NAALADL2: variants seen among roughly 807,000 people sequenced by gnomAD.
The protein encoded by NAALADL2 is N-acetylated alpha-linked acidic dipeptidase like 2, also known as inactive N-acetylated-alpha-linked acidic dipeptidase-like protein 2.
Under a neutral mutation model 87.2 loss-of-function variants are expected in NAALADL2, and 76 were observed. The observed-to-expected ratio is 0.87, with a 90% CI of 0.72 to 1.05. The LOEUF (loss-of-function observed/expected upper bound fraction) is 1.05, where lower values mean the gene tolerates loss of function less well. NAALADL2 is among the 50% of genes least tolerant of loss of function. The pLI is 0.00. For synonymous variants in NAALADL2, 354 were observed against 331.0 expected, an observed-to-expected ratio of 1.07 and a Z score of -0.75; for missense variants, 1,089 against 945.8, an observed-to-expected ratio of 1.15 and a Z score of -1.99.
At chr3:175,153,823 T>C (rs538759894) in intron 2 of NAALADL2, among the ~76,000 whole-genome samples, 7 of 152,198 alleles carry the variant, frequency 4.6e-5, no homozygotes, top group African/African-American at 1.7e-4. Flanking sequence ...GCTTTTTCAC[T>C]AGAGTGAGTA....
At chr3:174,707,603 G>A (rs1337105800) in intron 2 of NAALADL2, among the ~76,000 whole-genome samples, 6 of 144,372 alleles carry the variant, frequency 4.2e-5, no homozygotes, top group African/African-American at 7.6e-5. Context: ...CAATGAGAAC[G>A]CCTGGACACA....
At chr3:175,071,192 A>C (rs145186547) in intron 1 of NAALADL2, among the ~76,000 whole-genome samples, 1 of 152,112 alleles carries the variant, frequency 6.6e-6, no homozygotes, top group South Asian at 2.1e-4. Context: ...TCAGTCAATA[A>C]ATAACACATG....
Position 175,485,994 on chromosome 3 carries a change from G to A in NAALADL2, c.1653+14236G>A, listed in dbSNP as rs142691116. On this transcript the variant is annotated intron_variant, in intron 9 of 13. Coordinates refer to ENST00000454872, the MANE Select transcript of NAALADL2 (RefSeq NM_207015.3). The stretch of plus-strand genomic sequence containing the variant: ...TGACAACAAAACTCTAACCATGTTG[G>A]CACCCTGATTTCAGAGTTCCAGCCT... Among the ~76,000 whole-genome samples, 221 of 152,218 alleles carry A rather than the reference G, an allele frequency of 1.5e-3. 1 individual carries two copies. The highest frequency in any genetic ancestry group is 4.8e-3 in the African/African-American group (198 of 41,566).
intron 9 of NAALADL2, among the ~76,000 whole-genome samples, chr3:175,500,447 G>T (rs1371771061): frequency 3.3e-5 from 5 of 151,760 alleles, no homozygotes; most frequent in East Asian, 1.9e-4. Context: ...GGAGCAGAGA[G>T]GTTTGTTTGC....
chr3:175,735,139 C>A (rs969378251), intron 11 of NAALADL2, among the ~76,000 whole-genome samples: 1 of 152,190 alleles, frequency 6.6e-6, no homozygotes, highest in Non-Finnish European at 1.5e-5. Context: ...TTCGACAAAT[C>A]TCTAGGATGG....
intron 5 of NAALADL2, among the ~76,000 whole-genome samples, chr3:175,327,214 G>C (rs972891386): frequency 6.9e-6 from 1 of 145,498 alleles, no homozygotes; most frequent in Non-Finnish European, 1.5e-5. Flanking sequence ...GGAGTGCAGC[G>C]GCACAATCTG....
chr3:175,463,336 T>A (rs1317375487), intron 6 of NAALADL2, 65 bp from the exon 7 acceptor site: 1 of 1,031,562 alleles, frequency 9.7e-7, no homozygotes, highest in Non-Finnish European at 1.4e-6. Context: ...TAAAATAAAT[T>A]TTAAGGTTTA....
rs115437419 is a variant in NAALADL2, at chr3:174,957,265, A to T, written c.43+97815A>T. ...TCCTCATTCTTTTTCTCACCTCCCT[A>T]CTGCAAGAAGGGGAGACAGCACAAT... On this transcript the variant is annotated intron_variant, in intron 1 of 13. Transcript: ENST00000454872. Among the ~76,000 whole-genome samples the T allele has an allele frequency of 6.5e-3, 981 of 152,000 alleles. 19 individuals are homozygous for T. The highest frequency in any genetic ancestry group is 0.023 in the African/African-American group (958 of 41,492).
At chr3:174,558,107 G>A (rs1713089662) in intron 2 of NAALADL2, among the ~76,000 whole-genome samples, 1 of 152,120 alleles carries the variant, frequency 6.6e-6, no homozygotes, top group Admixed American at 6.6e-5. Flanking sequence ...TAGGCACAGT[G>A]AGCCCACTCC....
chr3:174,655,704 T>G (rs1401385462), intron 2 of NAALADL2, among the ~76,000 whole-genome samples: 2 of 152,128 alleles, frequency 1.3e-5, no homozygotes, highest in Non-Finnish European at 2.9e-5. Flanking sequence ...AAATGAAAAA[T>G]GGAATAATTT....
At chr3:174,738,149 G>A (rs1733392517) in intron 3 of NAALADL2, among the ~76,000 whole-genome samples, 1 of 152,110 alleles carries the variant, frequency 6.6e-6, no homozygotes, top group South Asian at 2.1e-4. Context: ...ATACCACATG[G>A]CTTGCATAAC....
chr3:174,490,159 A>G (rs763531093), intron 1 of NAALADL2, among the ~76,000 whole-genome samples: 4 of 152,148 alleles, frequency 2.6e-5, no homozygotes, highest in African/African-American at 7.2e-5. Flanking sequence ...ACAATTGTCC[A>G]TCAACTGATG....
At chr3:174,995,362 T>TA (rs1315738637) in intron 1 of NAALADL2, among the ~76,000 whole-genome samples, 2 of 152,160 alleles carry the variant, frequency 1.3e-5, no homozygotes, top group Admixed American at 1.3e-4. Flanking sequence ...TTAATTAATT[T>TA]AAAAAATTTA....
intron 13 of NAALADL2, 62 bp downstream of exon 13, chr3:175,755,480 T>G: frequency 8.3e-7 from 1 of 1,205,844 alleles, no homozygotes; most frequent in African/African-American, 1.5e-5. Flanking sequence ...TGTTTAACTT[T>G]CAGAATACAT....
At position 175,583,189 on chromosome 3, in the gene NAALADL2, C is replaced by T. The variant is rs1720030812; in HGVS notation, c.1800+7002C>T. On this transcript the variant is annotated intron_variant, in intron 10 of 13. Transcript: ENST00000454872. Reference sequence around the variant, plus strand: ...TTATTATAAAATAGACTTTGTGATACATTATTGATCCCAGCATCAAGAGAG... The same window carrying T: ...TTATTATAAAATAGACTTTGTGATATATTATTGATCCCAGCATCAAGAGAG... 2.0e-5 allele frequency among the ~76,000 whole-genome samples: 3 copies of T among 152,192 alleles called. No individual in the cohort carries two copies. In the South Asian group the frequency reaches 6.2e-4, roughly 32 times the overall value.
chr3:174,978,957 C>T (rs571463005), intron 1 of NAALADL2, among the ~76,000 whole-genome samples: 9 of 152,188 alleles, frequency 5.9e-5, no homozygotes, highest in Admixed American at 5.9e-4. Context: ...GGAAATAATT[C>T]ACAAGGATGA....
intron 1 of NAALADL2, among the ~76,000 whole-genome samples, chr3:175,044,276 T>C (rs1412440616): frequency 6.6e-6 from 1 of 152,154 alleles, no homozygotes; most frequent in Non-Finnish European, 1.5e-5. Context: ...TTTTCCTATT[T>C]TTGGACTAGT....
chr3:175,755,171 G>T lies in NAALADL2; in HGVS notation c.1991-49G>T, dbSNP rs772716085. On this transcript the variant is annotated intron_variant, in intron 12 of 13. Coordinates refer to ENST00000454872, the MANE Select transcript of NAALADL2 (RefSeq NM_207015.3). Reference sequence around the variant, plus strand: ...TTCCTGATTGGAAAATGCTTATTTTGCTCCCTTGAGAATGTCTCTTCTGAG... The same window carrying T: ...TTCCTGATTGGAAAATGCTTATTTTTCTCCCTTGAGAATGTCTCTTCTGAG... The T allele has an allele frequency of 1.3e-5, 19 of 1,493,388 alleles. No individual in the cohort carries two copies. In the South Asian group the frequency reaches 1.5e-4, roughly 12 times the overall value. 92.5% of individuals were successfully genotyped at this position (1,493,388 alleles called of 1,614,324 possible).
At position 175,416,063 on chromosome 3, in the gene NAALADL2, A is replaced by G. The variant is rs564859885; in HGVS notation, c.1091-31166A>G. Reference sequence around the variant, plus strand: ...CGTGAGCCTGGGATTTCAAGGCTGCAGTAAATCATAATCATGCTGCTGCAC... The same window carrying G: ...CGTGAGCCTGGGATTTCAAGGCTGCGGTAAATCATAATCATGCTGCTGCAC... On this transcript the variant is annotated intron_variant, in intron 5 of 13. Transcript: ENST00000454872. Among the ~76,000 whole-genome samples, 10 of 152,128 alleles carry G rather than the reference A, an allele frequency of 6.6e-5. No homozygotes were observed. The East Asian group carries it at 1.9e-3, about 29-fold the overall frequency.
Sources: gnomAD v4.1 joint callset for allele counts (sites outside exome capture counted in the v4.1 genomes callset) on GRCh38, gnomAD v4.1.1 for gene constraint, MANE v1.5 for transcripts, NCBI Gene and HGNC (gene_info 2026-07-23, HGNC 2026-07-21) for gene names.